Variants in DLK1 observed in about 807,000 individuals in gnomAD.
DLK1 encodes the protein delta like non-canonical Notch ligand 1.
DLK1 carries 9 observed loss-of-function variants against 35.2 expected under a neutral mutation model. The ratio of observed to expected loss-of-function variants is 0.26; its 90% CI spans 0.15 to 0.45. DLK1 has a LOEUF of 0.45. Among genes scored for constraint, DLK1 ranks in the 20% least tolerant of loss-of-function variants. The probability of loss-of-function intolerance (pLI) is 1.00; values close to 1 mark genes in which losing one functional copy is unlikely to be tolerated. For missense variants in DLK1, 522 were observed against 528.5 expected (o/e 0.99, Z 0.12); for synonymous variants, 231 against 228.4 (o/e 1.01, Z -0.10).
chr14:100,731,262 G>C (rs182947801), intron 3 of DLK1, among the ~76,000 whole-genome samples: 4 of 152,150 alleles, frequency 2.6e-5, no homozygotes, highest in African/African-American at 9.7e-5. Flanking sequence ...TCAGGCCCTT[G>C]TGTTCAGCTC....
chr14:100,728,562 C>T (rs2036464993), intron 2 of DLK1, 103 bp downstream of exon 2: 3 of 1,181,568 alleles, frequency 2.5e-6, no homozygotes, highest in Admixed American at 1.9e-5. Context: ...CACTACGCTG[C>T]AGCAAACAGC....
In DLK1 at chr14:100,734,215, G is replaced by A; in HGVS notation, c.471G>A (p.Leu157=). 6.2e-7 allele frequency: 1 copy of A among 1,613,224 alleles called. No individual in the cohort carries two copies. Among genetic ancestry groups the A allele is most frequent in the Non-Finnish European group, 8.5e-7 (1 of 1,180,012 alleles). The stretch of plus-strand genomic sequence containing the variant: ...GCCGGGCCTCCCATGCCTCCTGCCT[G>A]TGCCCCCCTGGCTTCTCAGGCAATT... The part of the protein sequence containing the change: ...DEGRASHASC[L]CPPGFSGNFC... Residue 157 remains leucine (L), a synonymous_variant, in exon 5 of 5, where the codon CTG becomes CTA. Transcript: ENST00000341267. The surrounding 1 kb of genome is among the most constrained non-coding windows in gnomAD (Gnocchi z 7.4).
intron 3 of DLK1, among the ~76,000 whole-genome samples, chr14:100,730,247 C>T (rs994524336): frequency 2.0e-5 from 3 of 152,288 alleles, no homozygotes; most frequent in Admixed American, 2.0e-4. Context: ...AGCTCTGAGT[C>T]GTTTGAGGAT....
intron 4 of DLK1, among the ~76,000 whole-genome samples, 163 bp downstream of exon 4, chr14:100,732,346 G>A (rs1053885139): frequency 6.6e-6 from 1 of 152,272 alleles, no homozygotes; most frequent in Non-Finnish European, 1.5e-5. Flanking sequence ...AGTATTCACG[G>A]GGGAATGTGT....
chr14:100,730,219 C>T lies in DLK1; in HGVS notation c.262+1153C>T, dbSNP rs752563130. On this transcript the variant is annotated intron_variant, in intron 3 of 4. Coordinates refer to ENST00000341267, the MANE Select transcript of DLK1 (RefSeq NM_003836.7). ...TCTGGCCAGCATCTCTGCTGCCCCT[C>T]ACAGAAGCAGCGGCAGCAGCTCTGA... 1.2e-4 allele frequency among the ~76,000 whole-genome samples: 19 copies of T among 152,316 alleles called. 1 individual carries two copies. The highest frequency in any genetic ancestry group is 2.4e-4 in the Non-Finnish European group (16 of 68,038).
At position 100,735,050 on chromosome 14, in the gene DLK1, C is replaced by A. The variant is rs757881220; in HGVS notation, c.*154C>A. The A allele has an allele frequency of 1.0e-6, 1 of 973,406 alleles. No individual in the cohort carries two copies. The highest frequency in any genetic ancestry group is 1.4e-6 in the Non-Finnish European group (1 of 700,832). The allele number at this position is 973,406 out of a possible 1,614,324, so 60.3% of individuals were successfully genotyped here. Reference sequence around the variant, plus strand: ...TGTCTTTGTGCTGCTGTGTGACAAACGCAATGCAAAAACAATCCTCTTTCT... The same window carrying A: ...TGTCTTTGTGCTGCTGTGTGACAAAAGCAATGCAAAAACAATCCTCTTTCT... On this transcript the variant is annotated 3_prime_UTR_variant, in exon 5 of 5. Coordinates refer to ENST00000341267, the MANE Select transcript of DLK1 (RefSeq NM_003836.7).
chr14:100,727,067 A>G lies in DLK1; in HGVS notation c.-2A>G. The G allele has an allele frequency of 1.9e-6, 3 of 1,587,126 alleles. No homozygotes were observed. Among genetic ancestry groups the G allele is most frequent in the Admixed American group, 1.7e-5 (1 of 58,332 alleles). ...CGGGACCGCGACCCCGGCCGCCCAGAGATGACCGCGACCGAAGCCCTCCTG... is the reference window on the plus strand; with the variant it reads ...CGGGACCGCGACCCCGGCCGCCCAGGGATGACCGCGACCGAAGCCCTCCTG... On this transcript the variant is annotated 5_prime_UTR_variant, in exon 1 of 5. Transcript: ENST00000341267.
chr14:100,727,055 C>T lies in DLK1; in HGVS notation c.-14C>T. The T allele has an allele frequency of 6.4e-7, 1 of 1,561,672 alleles. No homozygotes were observed. Among genetic ancestry groups the T allele is most frequent in the Non-Finnish European group, 8.6e-7 (1 of 1,156,424 alleles). Reference sequence around the variant, plus strand: ...CCGCACCGCTCCCGGGACCGCGACCCCGGCCGCCCAGAGATGACCGCGACC... The same window carrying T: ...CCGCACCGCTCCCGGGACCGCGACCTCGGCCGCCCAGAGATGACCGCGACC... On this transcript the variant is annotated 5_prime_UTR_variant, in exon 1 of 5. Coordinates refer to ENST00000341267, the MANE Select transcript of DLK1 (RefSeq NM_003836.7).
Position 100,731,926 on chromosome 14 carries a change from C to G in DLK1, c.263-116C>G, listed in dbSNP as rs1001991905. 5 of 1,356,320 alleles carry G rather than the reference C, an allele frequency of 3.7e-6. No homozygotes were observed. In the Admixed American group the frequency reaches 1.1e-4, roughly 31 times the overall value. The allele number at this position is 1,356,320 out of a possible 1,614,324, so 84.0% of individuals were successfully genotyped here. Reference sequence around the variant, plus strand: ...TTTTTTTGAGGGGGCTCCCTAAACCCTCTTACTCCAGACCCCACTCGGTGG... The same window carrying G: ...TTTTTTTGAGGGGGCTCCCTAAACCGTCTTACTCCAGACCCCACTCGGTGG... On this transcript the variant is annotated intron_variant, in intron 3 of 4. Transcript: ENST00000341267.
Position 100,734,191 on chromosome 14 carries a change from C to T in DLK1, c.447C>T (p.Gly149=), listed in dbSNP as rs868139380. The T allele has an allele frequency of 8.1e-6, 13 of 1,612,470 alleles. 1 individual carries two copies. In the Middle Eastern group the frequency reaches 1.7e-3, roughly 205 times the overall value. Residue 149 remains glycine, a synonymous_variant, in exon 5 of 5, where the codon GGC becomes GGT. Transcript: ENST00000341267. The surrounding 1 kb of genome is among the most constrained non-coding windows in gnomAD (Gnocchi z 7.4). ...QHGGTCVDDE[G]RASHASCLCP... Reference sequence around the variant, plus strand: ...GAGGCACCTGCGTGGATGATGAGGGCCGGGCCTCCCATGCCTCCTGCCTGT... The same window carrying T: ...GAGGCACCTGCGTGGATGATGAGGGTCGGGCCTCCCATGCCTCCTGCCTGT...
chr14:100,732,275 C>T, intron 4 of DLK1, 92 bp downstream of exon 4: 2 of 1,515,378 alleles, frequency 1.3e-6, no homozygotes, highest in Non-Finnish European at 1.8e-6. Context: ...GACCTGTCGT[C>T]TGACAAAAGA....
In DLK1 at chr14:100,736,978, AC is replaced by A. The variant is rs1271993420; in HGVS notation, c.*2085del. The A allele has an allele frequency of 9.7e-5, 4 of 41,114 alleles. No individual in the cohort carries two copies. In the Admixed American group the frequency reaches 1.1e-3, roughly 12 times the overall value. The allele number at this position is 41,114 out of a possible 1,614,324, so 2.5% of individuals were successfully genotyped here. On this transcript the variant is annotated 3_prime_UTR_variant, in exon 5 of 5. Transcript: ENST00000341267. ...CCCACCCTTCCCCTCCGATCCCACC[AC>A]CCTTCCCTTCCGATCCCCGTCATCC...
chr14:100,729,490 G>GCAAA (rs1446851660), intron 3 of DLK1, among the ~76,000 whole-genome samples: 1 of 150,984 alleles, frequency 6.6e-6, no homozygotes, highest in Non-Finnish European at 1.5e-5. Context: ...TAAAGAGGCT[G>GCAAA]CAAACAAACA....
At position 100,735,737 on chromosome 14, in the gene DLK1, G is replaced by T. The variant is rs1420335745; in HGVS notation, c.*841G>T. On this transcript the variant is annotated 3_prime_UTR_variant, in exon 5 of 5. Transcript: ENST00000341267. ...GGCCTATCCTGGATGAACGCTTGAT[G>T]TTGAAATTTATCCTAACTGTGTTTC... 2 of 152,304 alleles carry T rather than the reference G, an allele frequency of 1.3e-5. No individual in the cohort carries two copies. The highest frequency in any genetic ancestry group is 3.9e-4 in the East Asian group (2 of 5,178). 9.4% of individuals were successfully genotyped at this position (152,304 alleles called of 1,614,324 possible).
intron 2 of DLK1, 102 bp downstream of exon 2, chr14:100,728,561 G>A: frequency 9.7e-7 from 1 of 1,026,318 alleles, no homozygotes; most frequent in Non-Finnish European, 1.4e-6. Flanking sequence ...CCACTACGCT[G>A]CAGCAAACAG....
intron 1 of DLK1, among the ~76,000 whole-genome samples, chr14:100,728,151 C>G (rs2036459131): frequency 6.6e-6 from 1 of 152,134 alleles, no homozygotes; most frequent in Admixed American, 6.5e-5. Flanking sequence ...TTCTCCTGCT[C>G]CTAAGAACGA....
chr14:100,729,827 C>T (rs1001526351), intron 3 of DLK1, among the ~76,000 whole-genome samples: 1 of 152,164 alleles, frequency 6.6e-6, no homozygotes, highest in Non-Finnish European at 1.5e-5. Context: ...AAAAAACTCC[C>T]AGCTGTGTAG....
At chr14:100,728,788 C>G (rs2036471422) in intron 2 of DLK1, 148 bp from the exon 3 acceptor site, 1 of 1,086,652 alleles carries the variant, frequency 9.2e-7, no homozygotes, top group Non-Finnish European at 1.3e-6. Context: ...TTTTCCCATT[C>G]AGGTGGCTGG....
chr14:100,727,607 G>T (rs1326867199), intron 1 of DLK1, among the ~76,000 whole-genome samples: 2 of 152,082 alleles, frequency 1.3e-5, no homozygotes, highest in Admixed American at 6.5e-5. Flanking sequence ...GTAGGTGAGG[G>T]GCTGCGACAC....
Sources: gnomAD v4.1 joint callset for allele counts (sites outside exome capture counted in the v4.1 genomes callset) on GRCh38, gnomAD v4.1.1 for gene constraint, Gnocchi (gnomAD v3.1) non-coding constraint, MANE v1.5 for transcripts, NCBI Gene and HGNC (gene_info 2026-07-23, HGNC 2026-07-21) for gene names.